Variants in CTNNA2 observed in about 807,000 individuals in gnomAD.
The protein encoded by CTNNA2 is catenin alpha-2.
CTNNA2 carries 42 observed loss-of-function variants against 101.0 expected under a neutral mutation model. The ratio of observed to expected loss-of-function variants is 0.42; its 90% CI spans 0.32 to 0.54. The LOEUF (loss-of-function observed/expected upper bound fraction) is 0.54. Ranked by LOEUF, CTNNA2 falls within the 20% of genes least tolerant of loss-of-function variation. The pLI, the probability that CTNNA2 is intolerant of heterozygous loss-of-function variation, is 0.14. For synonymous variants in CTNNA2, 450 were observed against 456.4 expected (o/e 0.99, Z 0.18); for missense variants, 871 against 1,223.1 (o/e 0.71, Z 4.29).
At chr2:79,770,055 C>T (rs2105138004) in intron 3 of CTNNA2, among the ~76,000 whole-genome samples, 1 of 152,252 alleles carries the variant, frequency 6.6e-6, no homozygotes, top group Admixed American at 6.5e-5. Context: ...TTTACCACTT[C>T]CCTCCAGGGG....
intron 7 of CTNNA2, among the ~76,000 whole-genome samples, chr2:80,119,228 G>A (rs1420135145): frequency 1.3e-5 from 2 of 152,168 alleles, no homozygotes; most frequent in Non-Finnish European, 2.9e-5. Flanking sequence ...TATTTGATAA[G>A]GAGAAGTGTC....
chr2:80,002,178 G>A (rs752261658), intron 7 of CTNNA2, among the ~76,000 whole-genome samples: 2 of 152,102 alleles, frequency 1.3e-5, no homozygotes, highest in Non-Finnish European at 2.9e-5. Context: ...TTCCTCATAG[G>A]TTCACTTTCT....
upstream of CTNNA2, among the ~76,000 whole-genome samples, chr2:79,508,332 T>A (rs966500124): frequency 5.3e-5 from 8 of 152,140 alleles, no homozygotes; most frequent in Non-Finnish European, 8.8e-5. Flanking sequence ...AAACTATTCT[T>A]CCATAGAGCA....
intron 7 of CTNNA2, among the ~76,000 whole-genome samples, chr2:80,384,699 G>A (rs1275523006): frequency 6.6e-6 from 1 of 151,774 alleles, no homozygotes; most frequent in Non-Finnish European, 1.5e-5. Context: ...ACTGGATTTA[G>A]GGGAGAAATA....
chr2:79,516,954 CTTAT>C (rs1266594922), intron 1 of CTNNA2, among the ~76,000 whole-genome samples: 1 of 152,010 alleles, frequency 6.6e-6, no homozygotes, highest in Non-Finnish European at 1.5e-5. Context: ...TTTCCAGGGG[CTTAT>C]TTACTTTTCC....
intron 7 of CTNNA2, among the ~76,000 whole-genome samples, chr2:80,105,555 C>T (rs938679203): frequency 6.6e-6 from 1 of 152,076 alleles, no homozygotes. Context: ...GAGACCCCAT[C>T]TCTACAAAGA....
intron 2 of CTNNA2, among the ~76,000 whole-genome samples, chr2:79,206,923 CTG>C (rs1313698988): frequency 6.6e-6 from 1 of 152,176 alleles, no homozygotes; most frequent in Non-Finnish European, 1.5e-5. Context: ...TGATCAGTTA[CTG>C]TGTAAGCTGA....
At chr2:79,450,102 T>C (rs953821361) in intron 4 of CTNNA2, among the ~76,000 whole-genome samples, 12 of 151,774 alleles carry the variant, frequency 7.9e-5, no homozygotes, top group African/African-American at 2.7e-4. Context: ...AATGATAAGG[T>C]CTCAGAAATA....
At chr2:79,185,925 G>T (rs947994235) in intron 1 of CTNNA2, among the ~76,000 whole-genome samples, 3 of 152,190 alleles carry the variant, frequency 2.0e-5, no homozygotes, top group Non-Finnish European at 4.4e-5. Flanking sequence ...ACAGGCTATT[G>T]TCAGATATAT....
At chr2:79,590,063 G>A (rs936674808) in intron 1 of CTNNA2, among the ~76,000 whole-genome samples, 1 of 152,098 alleles carries the variant, frequency 6.6e-6, no homozygotes. Context: ...ATCTGTTACC[G>A]GATCATGTGT....
At chr2:80,252,651 G>A (rs980699247) in intron 7 of CTNNA2, among the ~76,000 whole-genome samples, 17 of 152,180 alleles carry the variant, frequency 1.1e-4, no homozygotes, top group African/African-American at 4.1e-4. Flanking sequence ...CTGTTGACAT[G>A]GATCTGGGCA....
chr2:79,347,073 G>T (rs1677279745), intron 3 of CTNNA2, among the ~76,000 whole-genome samples: 1 of 152,064 alleles, frequency 6.6e-6, no homozygotes, highest in Non-Finnish European at 1.5e-5. Flanking sequence ...AAACCAGCAT[G>T]TGTACCCCCT....
chr2:80,073,745 C>G (rs1698500082), intron 7 of CTNNA2, among the ~76,000 whole-genome samples: 1 of 137,444 alleles, frequency 7.3e-6, no homozygotes, highest in Non-Finnish European at 1.5e-5. Context: ...CACACACACA[C>G]ACACACACAC....
At chr2:80,279,049 CGTGT>C (rs3219982) in intron 7 of CTNNA2, among the ~76,000 whole-genome samples, 3,737 of 135,688 alleles carry the variant, frequency 0.028, 59 homozygotes, top group East Asian at 0.05. Context: ...ATGACTTTTA[CGTGT>C]GTGTGTGTGT....
chr2:79,250,353 A>C (rs1301141389), intron 2 of CTNNA2, among the ~76,000 whole-genome samples: 6 of 152,150 alleles, frequency 3.9e-5, no homozygotes, highest in African/African-American at 1.4e-4. Flanking sequence ...TCCTGTATGC[A>C]CACTTGCCTG....
intron 7 of CTNNA2, among the ~76,000 whole-genome samples, chr2:79,972,368 C>T (rs1284469702): frequency 6.6e-6 from 1 of 152,102 alleles, no homozygotes; most frequent in Non-Finnish European, 1.5e-5. Flanking sequence ...AAATGACAAG[C>T]AAGAGTGGTG....
chr2:79,247,865 A>G (rs764498475), intron 2 of CTNNA2, among the ~76,000 whole-genome samples: 2 of 152,220 alleles, frequency 1.3e-5, no homozygotes, highest in African/African-American at 2.4e-5. Context: ...CAGTTCTAGA[A>G]GCTGAAAAGA....
chr2:80,426,168 G>C (rs1481938084), intron 9 of CTNNA2, among the ~76,000 whole-genome samples: 1 of 152,100 alleles, frequency 6.6e-6, no homozygotes, highest in Non-Finnish European at 1.5e-5. Flanking sequence ...GACCCTGAGG[G>C]TATGCCGAGC....
intron 1 of CTNNA2, among the ~76,000 whole-genome samples, chr2:79,531,760 C>T (rs1672759278): frequency 6.6e-6 from 1 of 151,752 alleles, no homozygotes; most frequent in Non-Finnish European, 1.5e-5. Flanking sequence ...CGGCTCACTG[C>T]AACCTCCGTC....
Sources: allele counts gnomAD v4.1 joint callset (sites outside exome capture counted in the v4.1 genomes callset), GRCh38; gene constraint gnomAD v4.1.1; transcripts MANE v1.5; gene names NCBI Gene and HGNC (gene_info 2026-07-23, HGNC 2026-07-21).